Variants in MGAT4C observed in about 807,000 individuals in gnomAD.
The protein encoded by MGAT4C is alpha-1,3-mannosyl-glycoprotein 4-beta-N-acetylglucosaminyltransferase C.
A neutral mutation model predicts 40.1 loss-of-function variants in MGAT4C; 19 were observed. That is an observed-to-expected ratio of 0.47 (90% CI 0.33 to 0.70). The LOEUF (loss-of-function observed/expected upper bound fraction) is 0.70, where lower values mean the gene tolerates loss of function less well. Ranked by LOEUF, MGAT4C falls within the 30% of genes least tolerant of loss-of-function variation. MGAT4C has a pLI of 0.02. For missense variants in MGAT4C, 491 were observed against 563.2 expected, an observed-to-expected ratio of 0.87 and a Z score of 1.30; for synonymous variants, 181 against 187.1, an observed-to-expected ratio of 0.97 and a Z score of 0.27.
chr12:86,548,254 G>A (rs555746680), intron 2 of MGAT4C, among the ~76,000 whole-genome samples: 1 of 152,024 alleles, frequency 6.6e-6, no homozygotes, highest in South Asian at 2.1e-4. Flanking sequence ...GTTAAAAGAT[G>A]ATCCACACTG....
intron 3 of MGAT4C, among the ~76,000 whole-genome samples, chr12:86,344,064 G>A (rs1037459125): frequency 9.2e-5 from 14 of 152,080 alleles, no homozygotes; most frequent in African/African-American, 3.4e-4. Flanking sequence ...TAAATTGCCA[G>A]AATAAAGTAA....
intron 4 of MGAT4C, among the ~76,000 whole-genome samples, chr12:86,285,159 C>G (rs1195525674): frequency 6.6e-6 from 1 of 151,950 alleles, no homozygotes; most frequent in Non-Finnish European, 1.5e-5. Flanking sequence ...TCTCCAGGTA[C>G]TAGCCTTCCA....
chr12:86,264,045 G>T (rs1952724629), intron 4 of MGAT4C, among the ~76,000 whole-genome samples: 1 of 151,988 alleles, frequency 6.6e-6, no homozygotes, highest in East Asian at 1.9e-4. Context: ...GGTTGTTGTT[G>T]GTGGGTTATT....
At chr12:86,125,338 C>A (rs891333474) in intron 1 of MGAT4C, among the ~76,000 whole-genome samples, 2 of 152,162 alleles carry the variant, frequency 1.3e-5, no homozygotes, top group Admixed American at 6.6e-5. Context: ...GCTGCTACAT[C>A]CCACACAGGG....
At chr12:86,572,607 A>G (rs1960409255) in intron 2 of MGAT4C, among the ~76,000 whole-genome samples, 1 of 152,076 alleles carries the variant, frequency 6.6e-6, no homozygotes, top group Non-Finnish European at 1.5e-5. Context: ...TCTTCTCTAA[A>G]TGTGTCCTGC....
chr12:86,576,080 T>C (rs1465238598), intron 2 of MGAT4C, among the ~76,000 whole-genome samples: 4 of 151,892 alleles, frequency 2.6e-5, no homozygotes, highest in African/African-American at 4.8e-5. Context: ...TTGATGACCA[T>C]TGATGCTAAG....
At chr12:86,697,436 A>G (rs1388155163) in intron 2 of MGAT4C, among the ~76,000 whole-genome samples, 1 of 152,046 alleles carries the variant, frequency 6.6e-6, no homozygotes, top group Non-Finnish European at 1.5e-5. Context: ...TTTTATATGT[A>G]CAGTATGATT....
chr12:86,524,536 T>C (rs924583166), intron 2 of MGAT4C, among the ~76,000 whole-genome samples: 1 of 152,194 alleles, frequency 6.6e-6, no homozygotes, highest in African/African-American at 2.4e-5. Flanking sequence ...ATCTGAAGAT[T>C]ATGTGTCTTA....
intron 1 of MGAT4C, among the ~76,000 whole-genome samples, chr12:86,791,927 T>C (rs1952029840): frequency 6.6e-6 from 1 of 152,098 alleles, no homozygotes; most frequent in Non-Finnish European, 1.5e-5. Flanking sequence ...GACACAGGCA[T>C]TGTGGGTCCT....
chr12:86,602,337 G>C (rs924185634), intron 2 of MGAT4C, among the ~76,000 whole-genome samples: 2 of 152,142 alleles, frequency 1.3e-5, no homozygotes, highest in Non-Finnish European at 2.9e-5. Context: ...GTGACAATAA[G>C]GTGGTACTTC....
chr12:86,666,130 A>C (rs558207667), intron 2 of MGAT4C, among the ~76,000 whole-genome samples: 1 of 152,330 alleles, frequency 6.6e-6, no homozygotes, highest in Admixed American at 6.5e-5. Flanking sequence ...GCACTTAAAA[A>C]ATATGAGGCG....
intron 4 of MGAT4C, among the ~76,000 whole-genome samples, chr12:86,273,759 G>A (rs1394558721): frequency 3.9e-5 from 6 of 152,126 alleles, no homozygotes; most frequent in Non-Finnish European, 2.9e-5. Context: ...TACGATAACA[G>A]AGTGAATATA....
chr12:86,003,285 T>C (rs772569805), intron 2 of MGAT4C, among the ~76,000 whole-genome samples: 1 of 152,226 alleles, frequency 6.6e-6, no homozygotes, highest in Non-Finnish European at 1.5e-5. Context: ...TTTTCTGATA[T>C]ATCAACATTC....
chr12:86,019,028 A>AT (rs956166403), intron 2 of MGAT4C, among the ~76,000 whole-genome samples: 3 of 151,984 alleles, frequency 2.0e-5, no homozygotes, highest in Admixed American at 6.6e-5. Flanking sequence ...ATATATATAA[A>AT]TTTTTTTCTG....
At chr12:86,026,983 A>C (rs1890300097) in intron 2 of MGAT4C, among the ~76,000 whole-genome samples, 2 of 152,038 alleles carry the variant, frequency 1.3e-5, no homozygotes, top group African/African-American at 4.8e-5. Context: ...ATCTATTTGG[A>C]TTTCATTTCT....
chr12:86,831,118 AC>A (rs1952918915), intron 1 of MGAT4C, among the ~76,000 whole-genome samples: 1 of 151,606 alleles, frequency 6.6e-6, no homozygotes, highest in Non-Finnish European at 1.5e-5. Flanking sequence ...TGAAGAGTAT[AC>A]CTTTTTTCAA....
intron 2 of MGAT4C, among the ~76,000 whole-genome samples, chr12:86,569,977 A>C (rs1960296470): frequency 6.6e-6 from 1 of 152,104 alleles, no homozygotes; most frequent in Non-Finnish European, 1.5e-5. Flanking sequence ...TATCTCACTT[A>C]TATATAGAAT....
intron 2 of MGAT4C, among the ~76,000 whole-genome samples, chr12:86,540,580 A>C (rs964307903): frequency 6.6e-6 from 1 of 152,122 alleles, no homozygotes; most frequent in Non-Finnish European, 1.5e-5. Context: ...TACTAAAAAT[A>C]CAAAAATTAG....
chr12:86,250,371 G>C (rs1029694325), intron 1 of MGAT4C, among the ~76,000 whole-genome samples: 1 of 98,758 alleles, frequency 1.0e-5, no homozygotes, highest in African/African-American at 3.9e-5. Context: ...GAGAGAGAGA[G>C]ATTTTTAAAA....
Sources: gnomAD v4.1 joint callset for allele counts (sites outside exome capture counted in the v4.1 genomes callset) on GRCh38, gnomAD v4.1.1 for gene constraint, MANE v1.5 for transcripts, NCBI Gene and HGNC (gene_info 2026-07-23, HGNC 2026-07-21) for gene names.